The following KIAA1755 variants were observed in gnomAD, a reference collection of about 807,000 sequenced individuals.
KIAA1755 encodes the protein KIAA1755.
Under a neutral mutation model 91.7 loss-of-function variants are expected in KIAA1755, and 68 were observed. The observed-to-expected ratio is 0.74, with a 90% CI of 0.61 to 0.91. The LOEUF (loss-of-function observed/expected upper bound fraction) is 0.91. Ranked by LOEUF, KIAA1755 falls within the 40% of genes least tolerant of loss-of-function variation. The pLI is 0.00. For synonymous variants in KIAA1755, 610 were observed against 604.6 expected (o/e 1.01, Z -0.13); for missense variants, 1,535 against 1,494.4 (o/e 1.03, Z -0.45).
At chr20:38,220,822 G>C (rs919052446) in intron 10 of KIAA1755, among the ~76,000 whole-genome samples, 15 of 152,230 alleles carry the variant, frequency 9.9e-5, no homozygotes, top group African/African-American at 3.4e-4. Context: ...TGAGGTCAAG[G>C]GAGGGGAATC....
chr20:38,213,743 T>C lies in KIAA1755; in HGVS notation c.2902A>G (p.Met968Val). ...TGACAGTCCATGTGGAACCAGGTCATCTGGGGGACAAGAAGAGAGGGAGGT... is the reference window on the plus strand; with the variant it reads ...TGACAGTCCATGTGGAACCAGGTCACCTGGGGGACAAGAAGAGAGGGAGGT... ...LLHLHRFCKR[M>V]TWFHMDCQDL... Residue 968 changes from methionine (M) to valine (V), a missense_variant and splice_region_variant, in exon 14 of 14, where the codon ATG becomes GTG. Coordinates refer to ENST00000279024, the MANE Select transcript of KIAA1755 (RefSeq NM_001029864.2). The C allele has an allele frequency of 1.4e-6, 2 of 1,460,470 alleles. No homozygotes were observed. The highest frequency in any genetic ancestry group is 2.9e-5 in the South Asian group (2 of 70,094). 90.5% of individuals were successfully genotyped at this position (1,460,470 alleles called of 1,614,324 possible). A position where few individuals can be genotyped will look rare whatever the true frequency, so the allele number is the denominator to read the frequency against.
chr20:38,241,318 G>C lies in KIAA1755; in HGVS notation c.813C>G (p.Phe271Leu), dbSNP rs147347811. The part of the protein sequence containing the change: ...FRMDEVVSQD[F>L]EGDYVALLGF... ...CTAGGAGAGCCACATAGTCTCCCTC[G>C]AAGTCCTGGCTGACCACCTCGTCCA... The change falls in exon 3 of 14, where the codon TTC (phenylalanine) becomes TTG (leucine). Residue 271 changes from phenylalanine (F) to leucine (L), a missense_variant. Physicochemically the swap from Phe to Leu is conservative, Grantham distance 22. Coordinates refer to ENST00000279024, the MANE Select transcript of KIAA1755 (RefSeq NM_001029864.2). 74 of 1,614,008 alleles carry C rather than the reference G, an allele frequency of 4.6e-5. No individual in the cohort carries two copies. The Admixed American group carries it at 1.1e-3, about 23-fold the overall frequency.
chr20:38,232,009 G>C (rs1300055210), intron 4 of KIAA1755, among the ~76,000 whole-genome samples: 1 of 152,162 alleles, frequency 6.6e-6, no homozygotes, highest in Non-Finnish European at 1.5e-5. Context: ...GAGGCTCCGG[G>C]AGCCAGTACA....
chr20:38,238,450 T>C (rs2075996820), intron 4 of KIAA1755, among the ~76,000 whole-genome samples: 1 of 152,200 alleles, frequency 6.6e-6, no homozygotes, highest in African/African-American at 2.4e-5. Context: ...GCTGTTCCCT[T>C]TGTCTGGAAC....
At chr20:38,224,247 C>G (rs1363326045) in intron 8 of KIAA1755, among the ~76,000 whole-genome samples, 2 of 152,100 alleles carry the variant, frequency 1.3e-5, no homozygotes, top group East Asian at 3.8e-4. Flanking sequence ...TTCTCACTTC[C>G]ATGTAGTGGG....
At chr20:38,250,860 T>C (rs1451962205) in intron 1 of KIAA1755, among the ~76,000 whole-genome samples, 2 of 152,012 alleles carry the variant, frequency 1.3e-5, no homozygotes, top group East Asian at 3.9e-4. Context: ...ACCAGGCACA[T>C]GTGGGGGCAA....
intron 12 of KIAA1755, chr20:38,217,681 C>G: frequency 1.7e-6 from 1 of 591,912 alleles, no homozygotes; most frequent in Non-Finnish European, 3.0e-6. Context: ...GCAGTTATCA[C>G]GCTTCTGGAA....
At chr20:38,219,033 A>AC (rs751968103) in intron 11 of KIAA1755, among the ~76,000 whole-genome samples, 1 of 152,010 alleles carries the variant, frequency 6.6e-6, no homozygotes, top group Non-Finnish European at 1.5e-5. Flanking sequence ...TACTGATATT[A>AC]CCCCCCATTC....
At chr20:38,246,979 C>A (rs181748157) in intron 1 of KIAA1755, among the ~76,000 whole-genome samples, 2 of 152,200 alleles carry the variant, frequency 1.3e-5, no homozygotes, top group Non-Finnish European at 2.9e-5. Flanking sequence ...CCCCTGCCCC[C>A]GCCCTGATCC....
In KIAA1755 at chr20:38,241,836, A is replaced by T. The variant is rs570239072; in HGVS notation, c.295T>A (p.Leu99Ile). 1.1e-5 allele frequency: 17 copies of T among 1,614,188 alleles called. No homozygotes were observed. In the East Asian group the frequency reaches 3.8e-4, roughly 36 times the overall value. ...VVHLAPLNPL[L>I]LRQGDFYLQV... Reference sequence around the variant, plus strand: ...AGGTAGAAGTCACCCTGGCGCAATAAGAGAGGGTTGAGGGGTGCCAAGTGG... The same window carrying T: ...AGGTAGAAGTCACCCTGGCGCAATATGAGAGGGTTGAGGGGTGCCAAGTGG... The change falls in exon 3 of 14, where the codon TTA becomes ATA. Residue 99 changes from leucine (L) to isoleucine (I), a missense_variant. Transcript: ENST00000279024.
At chr20:38,235,899 C>T (rs553377089) in intron 4 of KIAA1755, among the ~76,000 whole-genome samples, 7 of 152,296 alleles carry the variant, frequency 4.6e-5, no homozygotes, top group East Asian at 1.9e-4. Flanking sequence ...GAAAACTTTA[C>T]GGGGAGACCT....
chr20:38,254,605 T>C (rs955340164), intron 1 of KIAA1755, among the ~76,000 whole-genome samples: 1 of 151,892 alleles, frequency 6.6e-6, no homozygotes, highest in African/African-American at 2.4e-5. Flanking sequence ...CTGGCCAACA[T>C]AGTGACAGCC....
rs1045557708 is a variant in KIAA1755, at chr20:38,212,368, G to A, written c.*674C>T. 1.3e-5 allele frequency: 2 copies of A among 152,256 alleles called. No homozygotes were observed. The highest frequency in any genetic ancestry group is 2.9e-5 in the Non-Finnish European group (2 of 68,112). The allele number at this position is 152,256 out of a possible 1,614,324, so 9.4% of individuals were successfully genotyped here. A position where few individuals can be genotyped will look rare whatever the true frequency, so the allele number is the denominator to read the frequency against. On this transcript the variant is annotated 3_prime_UTR_variant, in exon 14 of 14. Coordinates refer to ENST00000279024, the MANE Select transcript of KIAA1755 (RefSeq NM_001029864.2). ...AGCACTTTGGCAGGCCAAGGCAAGA[G>A]GATCACTTGAGCCCAGGAGTTTGAG...
In KIAA1755 at chr20:38,241,911, G is replaced by T; in HGVS notation, c.220C>A (p.Leu74Ile). 1 of 1,613,086 alleles carries T rather than the reference G, an allele frequency of 6.2e-7. No individual in the cohort carries two copies. The highest frequency in any genetic ancestry group is 1.3e-5 in the African/African-American group (1 of 75,052). Residue 74 changes from leucine to isoleucine, a missense_variant, in exon 3 of 14, where the codon CTC becomes ATC. Physicochemically the swap from Leu to Ile is conservative, Grantham distance 5. Transcript: ENST00000279024. ...AGTGGCCAGCCCTCGTGTAAGAAGA[G>T]GCAGTGTGAGTAGGGAGCCTGTGGA... is the stretch of plus-strand genomic sequence containing the variant. ...EAACAPYSHC[L>I]FLHEGWPLCL...
chr20:38,215,516 A>T (rs2075529256), intron 13 of KIAA1755, among the ~76,000 whole-genome samples: 1 of 152,228 alleles, frequency 6.6e-6, no homozygotes, highest in Admixed American at 6.5e-5. Flanking sequence ...TTCAGGTCAA[A>T]GTGAGCACCC....
At chr20:38,216,838 C>T (rs1052230278) in intron 13 of KIAA1755, 3 of 475,132 alleles carry the variant, frequency 6.3e-6, no homozygotes, top group African/African-American at 5.9e-5. Flanking sequence ...GCACTCCCCT[C>T]CCAACAACCC....
chr20:38,241,049 G>C lies in KIAA1755; in HGVS notation c.1082C>G (p.Pro361Arg). Residue 361 changes from proline to arginine, a missense_variant, in exon 3 of 14, where the codon CCC (proline) becomes CGC (arginine). By Grantham distance (103) the Pro-to-Arg change is moderately radical. Coordinates refer to ENST00000279024, the MANE Select transcript of KIAA1755 (RefSeq NM_001029864.2). ...GFRRKVNLKA[P>R]THNSERPPQG... ...GGGCGGCCTTTCTGAGTTGTGGGTG[G>C]GTGCTTTAAGATTGACCTTTCTCCT... 6.2e-7 allele frequency: 1 copy of C among 1,614,100 alleles called. No individual in the cohort carries two copies. The highest frequency in any genetic ancestry group is 8.5e-7 in the Non-Finnish European group (1 of 1,180,036).
At chr20:38,260,366 A>G (rs749754786) in intron 1 of KIAA1755, 132 bp downstream of exon 1, 4 of 1,592,860 alleles carry the variant, frequency 2.5e-6, no homozygotes, top group Admixed American at 1.7e-5. Context: ...GGTAAGCACA[A>G]CCCTGCCAAG....
intron 13 of KIAA1755, 183 bp downstream of exon 13, chr20:38,217,070 C>T (rs1254891591): frequency 7.8e-6 from 5 of 639,984 alleles, no homozygotes; most frequent in East Asian, 5.5e-5. Flanking sequence ...GCTGTGCCCC[C>T]AGCCAGGGGA....
Sources: gnomAD v4.1 joint callset for allele counts (sites outside exome capture counted in the v4.1 genomes callset) on GRCh38, gnomAD v4.1.1 for gene constraint, MANE v1.5 for transcripts, NCBI Gene and HGNC (gene_info 2026-07-23, HGNC 2026-07-21) for gene names.